Variants in ATXN10 observed in about 807,000 individuals in gnomAD.
ATXN10 encodes the protein ataxin-10.
In ATXN10, 28 loss-of-function variants were observed where a neutral mutation model predicts 52.9. That is an observed-to-expected ratio of 0.53 (90% confidence interval 0.39 to 0.73). The LOEUF is 0.73. Among genes scored for constraint, ATXN10 ranks in the 30% least tolerant of loss-of-function variants. The pLI, the probability that ATXN10 is intolerant of heterozygous loss-of-function variation, is 0.00. For missense variants in ATXN10, 565 were observed against 577.0 expected, an observed-to-expected ratio of 0.98 and a Z score of 0.21; for synonymous variants, 226 against 221.5, an observed-to-expected ratio of 1.02 and a Z score of -0.18.
At chr22:45,673,682 T>C (rs755059907) in intron 1 of ATXN10, 5 of 152,142 alleles carry the variant, frequency 3.3e-5, no homozygotes, top group Non-Finnish European at 5.9e-5. Flanking sequence ...ATAAACACAT[T>C]GTAATGGAAA....
In ATXN10 at chr22:45,786,435, G is replaced by T. The variant is rs1927325783; in HGVS notation, c.1174-20524G>T. On this transcript the variant is annotated intron_variant, in intron 9 of 11. Transcript: ENST00000252934. This position sits in a 1 kb window ranked among gnomAD's most constrained non-coding sequence, Gnocchi z 4.1. ...ACATTCTCGGCCTCACTGTGTTCCCGTGTGGCCACTGAGGCCCCGTGCAGT... is the reference window on the plus strand; with the variant it reads ...ACATTCTCGGCCTCACTGTGTTCCCTTGTGGCCACTGAGGCCCCGTGCAGT... 6.6e-6 allele frequency among the ~76,000 whole-genome samples: 1 copy of T among 152,134 alleles called. No individual in the cohort carries two copies. The highest frequency in any genetic ancestry group is 1.5e-5 in the Non-Finnish European group (1 of 68,028).
intron 1 of ATXN10, chr22:45,675,237 A>C (rs1221347196): frequency 6.6e-6 from 1 of 152,206 alleles, no homozygotes; most frequent in East Asian, 1.9e-4. Flanking sequence ...GTTTCCGGAG[A>C]AGGGGATCTC....
chr22:45,706,491 G>A (rs997317868), intron 5 of ATXN10, among the ~76,000 whole-genome samples: 1 of 152,108 alleles, frequency 6.6e-6, no homozygotes. Flanking sequence ...TGGAAGGTTA[G>A]GTTACTGATA....
chr22:45,697,329 T>G lies in ATXN10; in HGVS notation c.392-2953T>G, dbSNP rs144064305. Among the ~76,000 whole-genome samples the G allele has an allele frequency of 3.7e-3, 557 of 152,036 alleles. 3 individuals are homozygous for G. Among genetic ancestry groups the G allele is most frequent in the African/African-American group, 0.012 (485 of 41,484 alleles). Reference sequence around the variant, plus strand: ...TTTGTATTTTTAGTAGAGATGGAGTTTCACCACATTGGCCAGGCTGGTCTC... The same window carrying G: ...TTTGTATTTTTAGTAGAGATGGAGTGTCACCACATTGGCCAGGCTGGTCTC... On this transcript the variant is annotated intron_variant, in intron 3 of 11. Coordinates refer to ENST00000252934, the MANE Select transcript of ATXN10 (RefSeq NM_013236.4).
In ATXN10 at chr22:45,804,441, T is replaced by C. The variant is rs75543948; in HGVS notation, c.1174-2518T>C. Among the ~76,000 whole-genome samples the C allele has an allele frequency of 8.8e-3, 1,333 of 152,332 alleles. 13 individuals are homozygous for C. Among genetic ancestry groups the C allele is most frequent in the African/African-American group, 0.03 (1,267 of 41,568 alleles). ...GGTTACCAACTAATTTTTTCTCTTC[T>C]TCCTGGCCTTTGTAAAATAAGGATC... On this transcript the variant is annotated intron_variant, in intron 9 of 11. Transcript: ENST00000252934.
At position 45,706,009 on chromosome 22, in the gene ATXN10, C is replaced by T. The variant is rs140213763; in HGVS notation, c.647+3162C>T. Reference sequence around the variant, plus strand: ...CAAACCCTGTTGTGAACTGCGCATGCGAGGGATCTAGGTCTCACACTCCTT... The same window carrying T: ...CAAACCCTGTTGTGAACTGCGCATGTGAGGGATCTAGGTCTCACACTCCTT... On this transcript the variant is annotated intron_variant, in intron 5 of 11. Transcript: ENST00000252934. 1.8e-3 allele frequency among the ~76,000 whole-genome samples: 267 copies of T among 152,286 alleles called. 1 individual carries two copies. The highest frequency in any genetic ancestry group is 0.014 in the Middle Eastern group (4 of 294).
At chr22:45,836,345 AC>A (rs1254368933) in intron 10 of ATXN10, among the ~76,000 whole-genome samples, 17 of 152,340 alleles carry the variant, frequency 1.1e-4, no homozygotes, top group Middle Eastern at 3.4e-3. Context: ...AAAACTTGTG[AC>A]CCCTTGCAAA....
Position 45,843,675 on chromosome 22 carries a change from A to G in ATXN10, c.*4A>G. 2 of 1,611,920 alleles carry G rather than the reference A, an allele frequency of 1.2e-6. No individual in the cohort carries two copies. The highest frequency in any genetic ancestry group is 1.7e-6 in the Non-Finnish European group (2 of 1,178,566). On this transcript the variant is annotated 3_prime_UTR_variant, in exon 12 of 12. Coordinates refer to ENST00000252934, the MANE Select transcript of ATXN10 (RefSeq NM_013236.4). This position sits in a 1 kb window ranked among gnomAD's most constrained non-coding sequence, Gnocchi z 4.5. ...TTTCTTTCTTCTTCTTTAGTGAATG[A>G]ACTACATCCAAATACCTGAATTTTT...
At position 45,775,876 on chromosome 22, in the gene ATXN10, A is replaced by G. The variant is rs1191400438; in HGVS notation, c.1174-31083A>G. ...CACAGCCAGCCGGGAGGTAACATTA[A>G]CATCCGTTTGCTGGTGTTTGAAACC... On this transcript the variant is annotated intron_variant, in intron 9 of 11. Coordinates refer to ENST00000252934, the MANE Select transcript of ATXN10 (RefSeq NM_013236.4). This position sits in a 1 kb window ranked among gnomAD's most constrained non-coding sequence, Gnocchi z 4.7. 6.6e-6 allele frequency among the ~76,000 whole-genome samples: 1 copy of G among 152,110 alleles called. No homozygotes were observed. Among genetic ancestry groups the G allele is most frequent in the African/African-American group, 2.4e-5 (1 of 41,424 alleles).
At chr22:45,788,886 T>C (rs1927410951) in intron 9 of ATXN10, among the ~76,000 whole-genome samples, 1 of 152,086 alleles carries the variant, frequency 6.6e-6, no homozygotes, top group South Asian at 2.1e-4. Context: ...TGACCTCAAA[T>C]GATCCTCCCA....
intron 7 of ATXN10, among the ~76,000 whole-genome samples, chr22:45,730,172 C>T (rs1157966498): frequency 1.3e-5 from 2 of 151,784 alleles, no homozygotes; most frequent in Admixed American, 6.6e-5. Context: ...GGTGAAACCC[C>T]ATCTCTGTAA....
chr22:45,701,430 G>A lies in ATXN10; in HGVS notation c.488+1052G>A, dbSNP rs1923840325. On this transcript the variant is annotated intron_variant, in intron 4 of 11. Coordinates refer to ENST00000252934, the MANE Select transcript of ATXN10 (RefSeq NM_013236.4). The surrounding 1 kb of genome is among the most constrained non-coding windows in gnomAD (Gnocchi z 4.2). ...CAGCTTTCCTGGGCTCCTCTGTGAA[G>A]TATAGCGTTAAGATGGGATAAACTC... Among the ~76,000 whole-genome samples the A allele has an allele frequency of 1.3e-5, 2 of 152,188 alleles. No individual in the cohort carries two copies. The highest frequency in any genetic ancestry group is 2.9e-5 in the Non-Finnish European group (2 of 68,038).
At chr22:45,721,275 G>A (rs1019011176) in intron 6 of ATXN10, among the ~76,000 whole-genome samples, 3 of 152,152 alleles carry the variant, frequency 2.0e-5, no homozygotes, top group African/African-American at 4.8e-5. Flanking sequence ...CTAGCTGCTC[G>A]TGGTAAACAG....
At chr22:45,680,424 A>G (rs757281651) in intron 1 of ATXN10, among the ~76,000 whole-genome samples, 1 of 152,340 alleles carries the variant, frequency 6.6e-6, no homozygotes, top group East Asian at 1.9e-4. Context: ...ATTCAATGCC[A>G]TTCATAATAA....
chr22:45,720,776 A>G (rs1924620668), intron 6 of ATXN10, among the ~76,000 whole-genome samples: 1 of 152,182 alleles, frequency 6.6e-6, no homozygotes, highest in Admixed American at 6.5e-5. Flanking sequence ...CTACTGTCTT[A>G]ATCTGTTTTC....
Position 45,757,262 on chromosome 22 carries a change from C to G in ATXN10, c.1173+16724C>G, listed in dbSNP as rs1024585750. Among the ~76,000 whole-genome samples, 2 of 152,142 alleles carry G rather than the reference C, an allele frequency of 1.3e-5. No homozygotes were observed. The highest frequency in any genetic ancestry group is 4.8e-5 in the African/African-American group (2 of 41,432). ...GTCCTTTGCCTGTTGGAATTCCAAC[C>G]CTGGCGACTTTCAGCTACACCCTCC... On this transcript the variant is annotated intron_variant, in intron 9 of 11. Transcript: ENST00000252934. The surrounding 1 kb of genome is among the most constrained non-coding windows in gnomAD (Gnocchi z 4.6).
At chr22:45,802,613 G>A (rs995304907) in intron 9 of ATXN10, among the ~76,000 whole-genome samples, 1 of 152,268 alleles carries the variant, frequency 6.6e-6, no homozygotes, top group African/African-American at 2.4e-5. Context: ...TGGTTCCCTT[G>A]TATCCTTTCC....
Position 45,795,075 on chromosome 22 carries a change from G to A in ATXN10, c.1174-11884G>A, listed in dbSNP as rs1927659881. On this transcript the variant is annotated intron_variant, in intron 9 of 11. Transcript: ENST00000252934. The surrounding 1 kb of genome is among the most constrained non-coding windows in gnomAD (Gnocchi z 4.6). ...ACATTCTTATATTGTATGTGGGGTAGTATGGTATTATTTGTAGATAGACTG... is the reference window on the plus strand; with the variant it reads ...ACATTCTTATATTGTATGTGGGGTAATATGGTATTATTTGTAGATAGACTG... Among the ~76,000 whole-genome samples the A allele has an allele frequency of 6.6e-6, 1 of 152,122 alleles. No individual in the cohort carries two copies. Among genetic ancestry groups the A allele is most frequent in the Admixed American group, 6.5e-5 (1 of 15,272 alleles).
chr22:45,700,446 A>G (rs1247936661), intron 4 of ATXN10, 68 bp downstream of exon 4: 6 of 1,323,466 alleles, frequency 4.5e-6, no homozygotes, highest in African/African-American at 1.4e-5. Context: ...CATTTTATAT[A>G]AAGTTCGAAA....
Sources: gnomAD v4.1 joint callset for allele counts (sites outside exome capture counted in the v4.1 genomes callset) on GRCh38, gnomAD v4.1.1 for gene constraint, Gnocchi (gnomAD v3.1) non-coding constraint, MANE v1.5 for transcripts, NCBI Gene and HGNC (gene_info 2026-07-23, HGNC 2026-07-21) for gene names.